Variants in KHDRBS2 observed in about 807,000 individuals in gnomAD.
KHDRBS2 encodes the protein KH RNA binding domain containing, signal transduction associated 2, also known as KH domain-containing, RNA-binding, signal transduction-associated protein 2.
Under a neutral mutation model 44.3 loss-of-function variants are expected in KHDRBS2, and 26 were observed. That is an observed-to-expected ratio of 0.59 (90% CI 0.43 to 0.81). The LOEUF is 0.81. Ranked by LOEUF, KHDRBS2 falls within the 40% of genes least tolerant of loss-of-function variation. The probability of loss-of-function intolerance (pLI) is 0.00; values close to 1 mark genes in which losing one functional copy is unlikely to be tolerated. For synonymous variants in KHDRBS2, 194 were observed against 151.1 expected (o/e 1.28, Z -2.08); for missense variants, 476 against 433.1 (o/e 1.10, Z -0.88).
At chr6:61,639,920 C>A in the KHDRBS2 span, among the ~76,000 whole-genome samples, 111 of 151,926 alleles carry the variant, frequency 7.3e-4, no homozygotes, top group African/African-American at 2.5e-3. Context: ...ATATAATAAC[C>A]AAATAATCAA....
At chr6:62,196,659 C>G (rs1462917323) in intron 1 of KHDRBS2, among the ~76,000 whole-genome samples, 1 of 152,078 alleles carries the variant, frequency 6.6e-6, no homozygotes, top group African/African-American at 2.4e-5. Flanking sequence ...TTCTTGGAAA[C>G]TCTTCAGACT....
intron 8 of KHDRBS2, among the ~76,000 whole-genome samples, chr6:61,688,393 G>A (rs1767042426): frequency 6.6e-6 from 1 of 151,898 alleles, no homozygotes; most frequent in African/African-American, 2.4e-5. Context: ...AAAGACTGCG[G>A]AATTCAGCTA....
intron 3 of KHDRBS2, among the ~76,000 whole-genome samples, chr6:62,005,016 T>C (rs1778956545): frequency 6.6e-6 from 1 of 151,834 alleles, no homozygotes; most frequent in African/African-American, 2.4e-5. Flanking sequence ...ACTTCATGAT[T>C]GAGAATCCTA....
the KHDRBS2 span, among the ~76,000 whole-genome samples, chr6:61,558,441 C>T: frequency 1.3e-5 from 2 of 151,864 alleles, no homozygotes; most frequent in South Asian, 2.1e-4. Context: ...GCATGCCTAT[C>T]GTTCCAGCCA....
intron 2 of KHDRBS2, among the ~76,000 whole-genome samples, chr6:62,118,496 T>C (rs1369883764): frequency 6.6e-6 from 1 of 152,204 alleles, no homozygotes; most frequent in East Asian, 1.9e-4. Context: ...GGTAACATTT[T>C]CCTTACTCTT....
At chr6:61,992,032 C>A (rs1166554207) in intron 3 of KHDRBS2, among the ~76,000 whole-genome samples, 1 of 152,190 alleles carries the variant, frequency 6.6e-6, no homozygotes, top group Non-Finnish European at 1.5e-5. Flanking sequence ...AAGTGGCTAA[C>A]CACTTACTAG....
At chr6:61,994,133 A>T (rs1316729453) in intron 3 of KHDRBS2, among the ~76,000 whole-genome samples, 1 of 152,118 alleles carries the variant, frequency 6.6e-6, no homozygotes, top group Non-Finnish European at 1.5e-5. Flanking sequence ...AGCTAAATTT[A>T]AGGTGCCAAA....
At position 61,894,750 on chromosome 6, in the gene KHDRBS2, G is replaced by A. The variant is rs201374549; in HGVS notation, c.695C>T (p.Ala232Val). 345 of 1,613,438 alleles carry A rather than the reference G, an allele frequency of 2.1e-4. No individual in the cohort carries two copies. In the East Asian group the frequency reaches 6.0e-3, roughly 28 times the overall value. ...TPRGSTVTRG[A>V]LPVPPVARGV... The stretch of plus-strand genomic sequence containing the variant: ...TCTTGCTACAGGTGGCACTGGAAGC[G>A]CTCCACGGGTTACAGTGCTTCCCCG... Residue 232 changes from alanine (A) to valine (V), a missense_variant, in exon 6 of 9, where the codon GCG (alanine) becomes GTG (valine). Transcript: ENST00000281156.
chr6:61,910,830 G>A (rs1332511680), intron 4 of KHDRBS2, among the ~76,000 whole-genome samples: 1 of 152,118 alleles, frequency 6.6e-6, no homozygotes, highest in South Asian at 2.1e-4. Flanking sequence ...AATTCTGAAA[G>A]TAACAAGTTC....
At chr6:61,545,293 A>G in the KHDRBS2 span, among the ~76,000 whole-genome samples, 2 of 151,958 alleles carry the variant, frequency 1.3e-5, no homozygotes, top group Non-Finnish European at 2.9e-5. Context: ...AAAAATAAAA[A>G]TACAAAAAGA....
At position 61,680,463 on chromosome 6, in the gene KHDRBS2, TAATATC is replaced by T. The variant is rs1264249464; in HGVS notation, c.*494_*499del. The stretch of plus-strand genomic sequence containing the variant: ...AGCATTAAAATTAAATTTACAAACT[TAATATC>T]AAACATCTTTGTCTAACTAACAGAT... On this transcript the variant is annotated 3_prime_UTR_variant, in exon 9 of 9. Coordinates refer to ENST00000281156, the MANE Select transcript of KHDRBS2 (RefSeq NM_152688.4). 2 of 152,142 alleles carry T rather than the reference TAATATC, an allele frequency of 1.3e-5. No individual in the cohort carries two copies. Among genetic ancestry groups the T allele is most frequent in the African/African-American group, 4.8e-5 (2 of 41,388 alleles). 9.4% of individuals were successfully genotyped at this position (152,142 alleles called of 1,614,324 possible).
chr6:62,100,685 CAAT>C (rs1801665854), intron 2 of KHDRBS2, among the ~76,000 whole-genome samples: 1 of 152,096 alleles, frequency 6.6e-6, no homozygotes. Context: ...GCATTTTTAT[CAAT>C]AATTTATTTT....
intron 6 of KHDRBS2, among the ~76,000 whole-genome samples, chr6:61,734,625 TTGAG>T (rs1775034619): frequency 6.6e-6 from 1 of 152,134 alleles, no homozygotes; most frequent in Admixed American, 6.6e-5. Context: ...ATTAATATTA[TTGAG>T]TGAGAATACA....
intron 6 of KHDRBS2, among the ~76,000 whole-genome samples, chr6:61,825,231 C>G (rs1790645825): frequency 6.6e-6 from 1 of 152,030 alleles, no homozygotes; most frequent in African/African-American, 2.4e-5. Flanking sequence ...TTATGTTTTT[C>G]AAAGAATTGT....
At chr6:62,147,504 CAG>C (rs1814206949) in intron 2 of KHDRBS2, among the ~76,000 whole-genome samples, 1 of 151,342 alleles carries the variant, frequency 6.6e-6, no homozygotes, top group Non-Finnish European at 1.5e-5. Context: ...TTTTTCTGTG[CAG>C]AGAGGTTGCA....
chr6:61,564,235 C>A, the KHDRBS2 span, among the ~76,000 whole-genome samples: 1 of 152,132 alleles, frequency 6.6e-6, no homozygotes, highest in South Asian at 2.1e-4. Flanking sequence ...TATTAAGCAT[C>A]TACCACATGC....
intron 8 of KHDRBS2, among the ~76,000 whole-genome samples, chr6:61,685,713 C>A (rs1766744848): frequency 6.6e-6 from 1 of 151,726 alleles, no homozygotes; most frequent in African/African-American, 2.4e-5. Flanking sequence ...ATTACTGTGA[C>A]TTCAAAAGTT....
intron 6 of KHDRBS2, among the ~76,000 whole-genome samples, chr6:61,764,711 T>G (rs1779743745): frequency 6.6e-6 from 1 of 152,160 alleles, no homozygotes; most frequent in Non-Finnish European, 1.5e-5. Flanking sequence ...CTTTGCACAC[T>G]TTTCAATAGA....
chr6:62,210,026 A>G (rs1480411929), intron 1 of KHDRBS2, among the ~76,000 whole-genome samples: 1 of 152,130 alleles, frequency 6.6e-6, no homozygotes, highest in African/African-American at 2.4e-5. Context: ...CTGTGAGTCA[A>G]TACTTCTTAA....
Sources: gnomAD v4.1 joint callset for allele counts (sites outside exome capture counted in the v4.1 genomes callset) on GRCh38, gnomAD v4.1.1 for gene constraint, MANE v1.5 for transcripts, NCBI Gene and HGNC (gene_info 2026-07-23, HGNC 2026-07-21) for gene names.